Variants in MGRN1 observed in about 807,000 individuals in gnomAD.
MGRN1 encodes the protein E3 ubiquitin-protein ligase MGRN1.
A neutral mutation model predicts 69.2 loss-of-function variants in MGRN1; 29 were observed. That is an observed-to-expected ratio of 0.42 (90% CI 0.31 to 0.57). MGRN1 has a LOEUF of 0.57. Among genes scored for constraint, MGRN1 ranks in the 20% least tolerant of loss-of-function variants. MGRN1 has a pLI of 0.15. For synonymous variants in MGRN1, 470 were observed against 344.2 expected (o/e 1.37, Z -4.04); for missense variants, 998 against 796.2 (o/e 1.25, Z -3.05).
intron 11 of MGRN1, among the ~76,000 whole-genome samples, chr16:4,679,828 C>G (rs116740508): frequency 0.012 from 1,786 of 152,234 alleles, 43 homozygotes; most frequent in African/African-American, 0.04. Context: ...CAGCACAGCT[C>G]CCGGGAGCTG....
chr16:4,686,302 CG>C (rs1567244352), intron 16 of MGRN1: 3 of 1,544,984 alleles, frequency 1.9e-6, no homozygotes, highest in Non-Finnish European at 2.6e-6. Context: ...ACGAGTAAGC[CG>C]GTACGTGACC....
chr16:4,685,917 C>G (rs1433523175), intron 16 of MGRN1, among the ~76,000 whole-genome samples: 2 of 152,182 alleles, frequency 1.3e-5, no homozygotes, highest in African/African-American at 2.4e-5. Flanking sequence ...GGACTTGGCC[C>G]TGAGCTCGGT....
At chr16:4,637,661 C>T (rs753222394) in intron 1 of MGRN1, among the ~76,000 whole-genome samples, 1 of 152,224 alleles carries the variant, frequency 6.6e-6, no homozygotes, top group Non-Finnish European at 1.5e-5. Flanking sequence ...AGCCTCTGTT[C>T]GGCTCCAGCC....
At chr16:4,678,092 C>G (rs1229208079) in intron 11 of MGRN1, among the ~76,000 whole-genome samples, 2 of 152,206 alleles carry the variant, frequency 1.3e-5, no homozygotes, top group African/African-American at 4.8e-5. Context: ...AGTGCTAGTC[C>G]TGCCTCAGCC....
At chr16:4,625,473 T>C (rs1436569119) in intron 1 of MGRN1, among the ~76,000 whole-genome samples, 1 of 152,184 alleles carries the variant, frequency 6.6e-6, no homozygotes, top group Non-Finnish European at 1.5e-5. Flanking sequence ...TGGCTTGGTG[T>C]GAAGGCCGAG....
intron 1 of MGRN1, among the ~76,000 whole-genome samples, chr16:4,631,183 G>A (rs76280905): frequency 0.022 from 3,293 of 152,012 alleles, 60 homozygotes; most frequent in Middle Eastern, 0.065. Flanking sequence ...TTTGTGGATG[G>A]AATTCAATTA....
rs755185473 is a variant in MGRN1 at position 4,624,902 on chromosome 16, C to T, written c.-59C>T. On this transcript the variant is annotated 5_prime_UTR_variant, in exon 1 of 17. Coordinates refer to ENST00000262370, the MANE Select transcript of MGRN1 (RefSeq NM_015246.4). Reference sequence around the variant, plus strand: ...CCGGGCCATGTCCGCGTGAGGACCCCGCCGCTGTCGCCGCTCCCGTTCCGG... The same window carrying T: ...CCGGGCCATGTCCGCGTGAGGACCCTGCCGCTGTCGCCGCTCCCGTTCCGG... The T allele has an allele frequency of 7.0e-7, 1 of 1,431,692 alleles. No individual in the cohort carries two copies. 88.7% of individuals were successfully genotyped at this position (1,431,692 alleles called of 1,614,324 possible).
chr16:4,627,372 A>G (rs541641043), intron 1 of MGRN1, among the ~76,000 whole-genome samples: 1 of 152,314 alleles, frequency 6.6e-6, no homozygotes, highest in Admixed American at 6.5e-5. Context: ...TGAATTTAAT[A>G]TTTGCTTTGT....
chr16:4,683,785 G>A, intron 15 of MGRN1, 58 bp from the exon 16 acceptor site: 5 of 1,501,996 alleles, frequency 3.3e-6, no homozygotes, highest in East Asian at 2.3e-5. Flanking sequence ...CTGCCCAGAG[G>A]GACCTGCCGG....
chr16:4,687,524 A>ACGGGG, intron 16 of MGRN1: 1 of 980,850 alleles, frequency 1.0e-6, no homozygotes, highest in African/African-American at 1.8e-5. Flanking sequence ...AAAAAAATAC[A>ACGGGG]CACACACCCA....
At chr16:4,659,248 C>G (rs561940103) in intron 5 of MGRN1, 20 of 152,258 alleles carry the variant, frequency 1.3e-4, no homozygotes, top group Non-Finnish European at 2.1e-4. Flanking sequence ...TGTCCTCTCC[C>G]GGCATCACTG....
intron 6 of MGRN1, 102 bp from the exon 7 acceptor site, chr16:4,665,000 G>A: frequency 7.2e-7 from 1 of 1,390,754 alleles, no homozygotes; most frequent in Non-Finnish European, 1.0e-6. Flanking sequence ...ACTCTGTGCA[G>A]GCTGAGCCCT....
At chr16:4,664,460 G>C in intron 5 of MGRN1, 1 of 562,954 alleles carries the variant, frequency 1.8e-6, no homozygotes, top group Non-Finnish European at 3.2e-6. Flanking sequence ...TGACATTATA[G>C]ATGTACTTTA....
intron 8 of MGRN1, 40 bp downstream of exon 8, chr16:4,668,352 G>C: frequency 6.2e-7 from 1 of 1,604,898 alleles, no homozygotes; most frequent in African/African-American, 1.3e-5. Context: ...TGAATTAAAA[G>C]ACACACATAT....
At chr16:4,686,968 C>G in intron 16 of MGRN1, 1 of 985,490 alleles carries the variant, frequency 1.0e-6, no homozygotes. Context: ...GGGAGAGTAT[C>G]TTGCGTCCTG....
At chr16:4,684,937 G>A (rs754912764) in intron 16 of MGRN1, among the ~76,000 whole-genome samples, 4 of 152,232 alleles carry the variant, frequency 2.6e-5, no homozygotes, top group Non-Finnish European at 4.4e-5. Flanking sequence ...ACCTGGGCCT[G>A]ACATTGGGTG....
Position 4,657,380 on chromosome 16 carries a change from G to A in MGRN1, c.561+17G>A, listed in dbSNP as rs75753520. The A allele has an allele frequency of 8.2e-5, 132 of 1,608,618 alleles. 2 individuals carry two copies. The highest frequency in any genetic ancestry group is 9.9e-5 in the Non-Finnish European group (116 of 1,175,272). On this transcript the variant is annotated intron_variant, in intron 5 of 16. Transcript: ENST00000262370. ...GATGACGAGGTAATGCTGGCTGGGC[G>A]GCTCCTTGCCCTTCGCTCCTCCTGA... is the stretch of plus-strand genomic sequence containing the variant.
At chr16:4,645,424 C>G (rs1048291451) in intron 1 of MGRN1, among the ~76,000 whole-genome samples, 1 of 152,204 alleles carries the variant, frequency 6.6e-6, no homozygotes. Context: ...CTGCCTTGAT[C>G]TTCCAAAGCG....
chr16:4,687,788 C>G (rs1033742594), intron 16 of MGRN1: 4 of 985,372 alleles, frequency 4.1e-6, no homozygotes, highest in Non-Finnish European at 3.6e-6. Context: ...AGGCCCTTTC[C>G]CCTTGGGTGG....
Sources: allele counts gnomAD v4.1 joint callset (sites outside exome capture counted in the v4.1 genomes callset), GRCh38; gene constraint gnomAD v4.1.1; transcripts MANE v1.5; gene names NCBI Gene and HGNC (gene_info 2026-07-23, HGNC 2026-07-21).